ASTN2: variants seen among roughly 807,000 people sequenced by gnomAD.
The protein encoded by ASTN2 is astrotactin-2.
In ASTN2, 54 loss-of-function variants were observed where a neutral mutation model predicts 139.8. The ratio of observed to expected loss-of-function variants is 0.39; its 90% CI spans 0.31 to 0.48. The LOEUF (loss-of-function observed/expected upper bound fraction) is 0.48, where lower values mean the gene tolerates loss of function less well. Ranked by LOEUF, ASTN2 falls within the 20% of genes least tolerant of loss-of-function variation. The probability of loss-of-function intolerance (pLI) is 0.95; values close to 1 mark genes in which losing one functional copy is unlikely to be tolerated. For missense variants in ASTN2, 1,565 were observed against 1,725.1 expected (o/e 0.91, Z 1.64); for synonymous variants, 756 against 719.5 (o/e 1.05, Z -0.81).
intron 19 of ASTN2, among the ~76,000 whole-genome samples, chr9:116,495,865 C>T (rs528912696): frequency 1.9e-4 from 29 of 152,256 alleles, no homozygotes; most frequent in South Asian, 1.9e-3. Context: ...CCTGCTTCCT[C>T]GGGCCCCTTC....
At chr9:116,500,074 G>A (rs898204007) in intron 19 of ASTN2, among the ~76,000 whole-genome samples, 3 of 151,982 alleles carry the variant, frequency 2.0e-5, no homozygotes, top group African/African-American at 7.2e-5. Flanking sequence ...ATTGCTTATT[G>A]ATGCCTGACG....
chr9:116,931,672 G>A (rs1373989221), intron 10 of ASTN2, among the ~76,000 whole-genome samples: 1 of 152,160 alleles, frequency 6.6e-6, no homozygotes, highest in East Asian at 1.9e-4. Context: ...AAGCAGGCAG[G>A]ATCTCTGCCC....
chr9:117,063,717 C>A (rs1839365386), intron 5 of ASTN2, among the ~76,000 whole-genome samples: 1 of 152,182 alleles, frequency 6.6e-6, no homozygotes. Context: ...AGCCTGGGAA[C>A]ACTGCCCTTG....
intron 10 of ASTN2, among the ~76,000 whole-genome samples, chr9:116,903,665 G>A (rs1834078598): frequency 6.6e-6 from 1 of 152,190 alleles, no homozygotes; most frequent in Non-Finnish European, 1.5e-5. Context: ...CTGGGCCTTA[G>A]GTTCCTTGTT....
At chr9:116,747,249 T>A (rs1199731155) in intron 13 of ASTN2, among the ~76,000 whole-genome samples, 3 of 152,170 alleles carry the variant, frequency 2.0e-5, no homozygotes, top group Non-Finnish European at 4.4e-5. Flanking sequence ...AGCAGAGACA[T>A]AAAAGAGGAA....
rs118103165 is a variant in ASTN2 at position 116,715,240 on chromosome 9, C to G, written c.2806+10531G>C. Among the ~76,000 whole-genome samples the G allele has an allele frequency of 2.0e-5, 3 of 152,276 alleles. No homozygotes were observed. In the South Asian group the frequency reaches 6.2e-4, roughly 32 times the overall value. ...AGTCTTTTCTATTTGTGACAGTTCT[C>G]AGCTGTGGACAGAGGCAATGGAAGT... On this transcript the variant is annotated intron_variant, in intron 16 of 22. Transcript: ENST00000313400.
chr9:116,610,088 C>T (rs1332215895), intron 19 of ASTN2, among the ~76,000 whole-genome samples: 2 of 151,656 alleles, frequency 1.3e-5, no homozygotes, highest in Non-Finnish European at 2.9e-5. Context: ...AACCTTAAAC[C>T]TAAACATACA....
At chr9:116,522,538 TAA>T (rs1233712674) in intron 19 of ASTN2, among the ~76,000 whole-genome samples, 4 of 152,012 alleles carry the variant, frequency 2.6e-5, no homozygotes, top group Non-Finnish European at 5.9e-5. Context: ...TGGCGAGGGA[TAA>T]AAGACTACAC....
At chr9:116,917,339 C>CT (rs1404185305) in intron 10 of ASTN2, among the ~76,000 whole-genome samples, 1 of 151,890 alleles carries the variant, frequency 6.6e-6, no homozygotes, top group African/African-American at 2.4e-5. Flanking sequence ...CAGCCCCACC[C>CT]CCCAACTAGA....
At chr9:116,687,202 C>G (rs1316291340) in intron 16 of ASTN2, 2 of 1,015,496 alleles carry the variant, frequency 2.0e-6, no homozygotes, top group African/African-American at 1.7e-5. Flanking sequence ...GGCCGCCTTG[C>G]CCCGCGCGCT....
intron 7 of ASTN2, among the ~76,000 whole-genome samples, chr9:117,004,574 G>A (rs1013956337): frequency 1.3e-5 from 2 of 152,170 alleles, no homozygotes; most frequent in African/African-American, 4.8e-5. Flanking sequence ...CTGAACAGGT[G>A]TCCCATTGAG....
chr9:117,120,256 GTCA>G (rs1272970829), intron 4 of ASTN2, among the ~76,000 whole-genome samples: 1 of 151,644 alleles, frequency 6.6e-6, no homozygotes, highest in African/African-American at 2.4e-5. Context: ...TGCACAATGA[GTCA>G]TCACGTTATG....
At chr9:116,786,108 T>C (rs968333352) in intron 13 of ASTN2, among the ~76,000 whole-genome samples, 21 of 152,318 alleles carry the variant, frequency 1.4e-4, no homozygotes, top group African/African-American at 4.6e-4. Context: ...CCACAGAAAA[T>C]GCCAAGGGTC....
At chr9:116,684,550 T>C (rs1208277779) in intron 16 of ASTN2, among the ~76,000 whole-genome samples, 1 of 152,194 alleles carries the variant, frequency 6.6e-6, no homozygotes, top group African/African-American at 2.4e-5. Flanking sequence ...TACCTTATAG[T>C]AGGCTGTTCA....
intron 20 of ASTN2, among the ~76,000 whole-genome samples, chr9:116,452,513 C>T (rs958141252): frequency 6.6e-6 from 1 of 152,208 alleles, no homozygotes; most frequent in Non-Finnish European, 1.5e-5. Flanking sequence ...AGATTCCACA[C>T]ACATTTCCTG....
intron 2 of ASTN2, among the ~76,000 whole-genome samples, chr9:117,273,807 T>G (rs2133129254): frequency 6.6e-6 from 1 of 152,314 alleles, no homozygotes; most frequent in South Asian, 2.1e-4. Context: ...GGCTCCTAAT[T>G]AATTCCTAAA....
intron 16 of ASTN2, among the ~76,000 whole-genome samples, chr9:116,718,966 G>GTATATATATATA (rs1219672903): frequency 1.3e-4 from 4 of 31,820 alleles, no homozygotes; most frequent in African/African-American, 5.0e-4. Context: ...ATCTATACCT[G>GTATATATATATA]TATCTGTACA....
intron 1 of ASTN2, among the ~76,000 whole-genome samples, chr9:117,319,628 A>T (rs1246314527): frequency 6.9e-6 from 1 of 145,490 alleles, no homozygotes; most frequent in Non-Finnish European, 1.5e-5. Flanking sequence ...AGATTGGAGG[A>T]TTTCGCCATG....
chr9:116,938,291 A>T (rs1835131591), intron 10 of ASTN2, among the ~76,000 whole-genome samples: 2 of 152,154 alleles, frequency 1.3e-5, no homozygotes. Flanking sequence ...TCCTTGGTTG[A>T]CAAATGGGAA....
Sources: gnomAD v4.1 joint callset for allele counts (sites outside exome capture counted in the v4.1 genomes callset) on GRCh38, gnomAD v4.1.1 for gene constraint, MANE v1.5 for transcripts, NCBI Gene and HGNC (gene_info 2026-07-23, HGNC 2026-07-21) for gene names.